The following CDH17 variants were observed in gnomAD, a reference collection of about 807,000 sequenced individuals.
The protein encoded by CDH17 is cadherin-17.
CDH17 carries 67 observed loss-of-function variants against 86.3 expected under a neutral mutation model. The observed-to-expected ratio is 0.78, with a 90% confidence interval of 0.64 to 0.95. The LOEUF (loss-of-function observed/expected upper bound fraction) is 0.95. Ranked by LOEUF, CDH17 falls within the 40% of genes least tolerant of loss-of-function variation. The pLI, the probability that CDH17 is intolerant of heterozygous loss-of-function variation, is 0.00. For synonymous variants in CDH17, 367 were observed against 366.4 expected (o/e 1.00, Z -0.02); for missense variants, 993 against 1,017.6 (o/e 0.98, Z 0.33).
intron 1 of CDH17, among the ~76,000 whole-genome samples, chr8:94,200,795 C>T (rs533532418): frequency 2.6e-5 from 4 of 151,312 alleles, no homozygotes; most frequent in African/African-American, 9.7e-5. Context: ...TGCATCCAGC[C>T]CGGATAACGA....
chr8:94,145,097 TC>T (rs1478187441), intron 15 of CDH17, among the ~76,000 whole-genome samples: 7 of 152,292 alleles, frequency 4.6e-5, no homozygotes, highest in Admixed American at 2.6e-4. Context: ...GTTCAACCTT[TC>T]CTTAACAACT....
In CDH17 at chr8:94,159,985, C is replaced by A. The variant is rs771141249; in HGVS notation, c.1537G>T (p.Val513Phe). The A allele has an allele frequency of 6.2e-7, 1 of 1,606,628 alleles. No homozygotes were observed. The highest frequency in any genetic ancestry group is 8.5e-7 in the Non-Finnish European group (1 of 1,177,548). ...GGGCTATTTACCTTTTTAATTATGA[C>A]ATATCCGGTGTTGGTATGGGGATCT... ...DTDPHTNTGYVIIKKPLDFET... is the reference protein window; with the variant it reads ...DTDPHTNTGYFIIKKPLDFET... Residue 513 changes from valine (V) to phenylalanine (F), a missense_variant, in exon 12 of 18, where the codon GTC becomes TTC. Transcript: ENST00000027335.
intron 15 of CDH17, among the ~76,000 whole-genome samples, chr8:94,134,872 T>C (rs1812491399): frequency 6.6e-6 from 1 of 152,212 alleles, no homozygotes; most frequent in African/African-American, 2.4e-5. Flanking sequence ...TTTGTTCTCA[T>C]TGGTTTCAAA....
intron 1 of CDH17, among the ~76,000 whole-genome samples, chr8:94,206,166 G>GA (rs58752556): frequency 2.4e-3 from 365 of 149,016 alleles, no homozygotes; most frequent in African/African-American, 5.1e-3. Flanking sequence ...TTGCTTAAGT[G>GA]AAAAAAAAAA....
chr8:94,210,312 G>A (rs531529666), upstream of CDH17, among the ~76,000 whole-genome samples: 8 of 147,074 alleles, frequency 5.4e-5, no homozygotes, highest in African/African-American at 1.0e-4. Flanking sequence ...GCCAAGTTCC[G>A]AAATGGGGTT....
At chr8:94,177,509 A>T in intron 4 of CDH17, 78 bp downstream of exon 4, 1 of 1,462,528 alleles carries the variant, frequency 6.8e-7, no homozygotes, top group Non-Finnish European at 9.5e-7. Flanking sequence ...GCAAGGAAGG[A>T]AGGTGCCAGC....
intron 15 of CDH17, among the ~76,000 whole-genome samples, chr8:94,144,510 G>A (rs1483620891): frequency 6.6e-6 from 1 of 151,922 alleles, no homozygotes; most frequent in Non-Finnish European, 1.5e-5. Context: ...ATAAGATGAG[G>A]TATGCCTATA....
chr8:94,129,145 T>C (rs1166140425), intron 17 of CDH17, among the ~76,000 whole-genome samples: 1 of 152,136 alleles, frequency 6.6e-6, no homozygotes, highest in Non-Finnish European at 1.5e-5. Flanking sequence ...ACTCAAGCAG[T>C]CTTTAACTTG....
At chr8:94,172,755 C>A (rs1813294071) in intron 7 of CDH17, among the ~76,000 whole-genome samples, 1 of 151,974 alleles carries the variant, frequency 6.6e-6, no homozygotes, top group Admixed American at 6.6e-5. Flanking sequence ...TGGGTGGAGT[C>A]CAGAGTGAAT....
At chr8:94,131,719 A>C (rs1223947009) in intron 15 of CDH17, among the ~76,000 whole-genome samples, 1 of 151,804 alleles carries the variant, frequency 6.6e-6, no homozygotes, top group Non-Finnish European at 1.5e-5. Context: ...TGTACCCTAG[A>C]ACTTAATGTG....
rs1250939536 is a variant in CDH17 at position 94,148,767 on chromosome 8, A to C, written c.1904T>G (p.Val635Gly). 1 of 1,517,064 alleles carries C rather than the reference A, an allele frequency of 6.6e-7. No individual in the cohort carries two copies. The allele number at this position is 1,517,064 out of a possible 1,614,324, so 94.0% of individuals were successfully genotyped here. Residue 635 changes from valine (V) to glycine (G), a missense_variant, in exon 14 of 18, where the codon GTA becomes GGA. Physicochemically the swap from Val to Gly is moderately radical, Grantham distance 109 (BLOSUM62 -3). Transcript: ENST00000027335. The stretch of plus-strand genomic sequence containing the variant: ...ACCTACTTCTGTGGCCACCACTTGT[A>C]CCCGATATGGACTTCCGGCTTCTCT... ...LDREAGSPYRVQVVATEVGGS... is the reference protein window; with the variant it reads ...LDREAGSPYRGQVVATEVGGS...
intron 15 of CDH17, among the ~76,000 whole-genome samples, chr8:94,144,853 T>C (rs1812709370): frequency 6.6e-6 from 1 of 152,074 alleles, no homozygotes; most frequent in Admixed American, 6.6e-5. Context: ...AAAATGAATA[T>C]CTAACAAGAC....
chr8:94,146,842 GTCC>G (rs1812753844), intron 14 of CDH17, among the ~76,000 whole-genome samples: 3 of 152,172 alleles, frequency 2.0e-5, no homozygotes, highest in Non-Finnish European at 4.4e-5. Flanking sequence ...CTGTTATCAT[GTCC>G]TCCTCAACAC....
chr8:94,159,978 A>G lies in CDH17; in HGVS notation c.1544T>C (p.Ile515Thr), dbSNP rs373369166. The G allele has an allele frequency of 2.7e-5, 44 of 1,601,978 alleles. No homozygotes were observed. In the African/African-American group the frequency reaches 5.1e-4, roughly 19 times the overall value. The change falls in exon 12 of 18, where the codon ATT (isoleucine) becomes ACT (threonine). Residue 515 changes from isoleucine (I) to threonine (T), a missense_variant. Physicochemically the swap from Ile to Thr is moderately conservative, Grantham distance 89. Transcript: ENST00000027335. ...DPHTNTGYVI[I>T]KKPLDFETAA... ...AATAAATGGGCTATTTACCTTTTTAATTATGACATATCCGGTGTTGGTATG... is the reference window on the plus strand; with the variant it reads ...AATAAATGGGCTATTTACCTTTTTAGTTATGACATATCCGGTGTTGGTATG...
chr8:94,173,792 A>C lies in CDH17; in HGVS notation c.783+5T>G. 1 of 1,612,222 alleles carries C rather than the reference A, an allele frequency of 6.2e-7. No homozygotes were observed. Among genetic ancestry groups the C allele is most frequent in the Non-Finnish European group, 8.5e-7 (1 of 1,178,580 alleles). ...CTCTCAGTGTTACTTGGGCTTGGGT[A>C]CTACCTGAGTGATTTTGATGGGGTG... On this transcript the variant is annotated splice_donor_5th_base_variant and intron_variant, in intron 7 of 17. Transcript: ENST00000027335.
At chr8:94,162,049 TA>T in intron 11 of CDH17, 36 bp downstream of exon 11, 2 of 1,251,546 alleles carry the variant, frequency 1.6e-6, no homozygotes, top group South Asian at 1.2e-5. Context: ...GTAAAATGAA[TA>T]AAGTAAAGAA....
chr8:94,137,313 C>G (rs1812548838), intron 15 of CDH17, among the ~76,000 whole-genome samples: 1 of 152,162 alleles, frequency 6.6e-6, no homozygotes, highest in African/African-American at 2.4e-5. Context: ...TTTGAGCTTC[C>G]CAGCCGCTTT....
chr8:94,173,719 A>C, intron 7 of CDH17, 78 bp downstream of exon 7: 1 of 1,031,218 alleles, frequency 9.7e-7, no homozygotes, highest in Non-Finnish European at 1.5e-6. Context: ...GTATCAGTGA[A>C]GACTGTGAGG....
At position 94,156,085 on chromosome 8, in the gene CDH17, C is replaced by G. The variant is rs575214870; in HGVS notation, c.1551+3886G>C. Among the ~76,000 whole-genome samples, 3 of 152,276 alleles carry G rather than the reference C, an allele frequency of 2.0e-5. No individual in the cohort carries two copies. The East Asian group carries it at 5.8e-4, about 29-fold the overall frequency. On this transcript the variant is annotated intron_variant, in intron 12 of 17. Coordinates refer to ENST00000027335, the MANE Select transcript of CDH17 (RefSeq NM_004063.4). ...ACCCGTCACTGCCTCTTGGAATGGC[C>G]TCAGTCCCATCTGGCAAGACATATT...
Sources: allele counts gnomAD v4.1 joint callset (sites outside exome capture counted in the v4.1 genomes callset), GRCh38; gene constraint gnomAD v4.1.1; transcripts MANE v1.5; gene names NCBI Gene and HGNC (gene_info 2026-07-23, HGNC 2026-07-21).